Variants in ANKFN1 observed in about 807,000 individuals in gnomAD.
The protein encoded by ANKFN1 is ankyrin repeat and fibronectin type III domain containing 1.
A neutral mutation model predicts 108.7 loss-of-function variants in ANKFN1; 74 were observed. That is an observed-to-expected ratio of 0.68 (90% confidence interval 0.56 to 0.83). The LOEUF (loss-of-function observed/expected upper bound fraction) is 0.83. Among genes scored for constraint, ANKFN1 ranks in the 40% least tolerant of loss-of-function variants. The pLI is 0.00. For synonymous variants in ANKFN1, 547 were observed against 516.2 expected (o/e 1.06, Z -0.81); for missense variants, 1,505 against 1,382.3 (o/e 1.09, Z -1.41).
Position 56,368,343 on chromosome 17 carries a change from G to A in ANKFN1, c.602-4303G>A, listed in dbSNP as rs1187558447. ...CTCCCAGGCTGGAGTGCAGTGGTGC[G>A]ATCTTGGCTCACTGCAACCTCCGCC... On this transcript the variant is annotated intron_variant, in intron 6 of 20. Coordinates refer to ENST00000682825, the MANE Select transcript of ANKFN1 (RefSeq NM_001370326.1). The A allele has an allele frequency of 1.1e-4, 31 of 275,086 alleles. 1 individual carries two copies. In the South Asian group the frequency reaches 1.2e-3, roughly 11 times the overall value. The allele number at this position is 275,086 out of a possible 1,614,324, so 17.0% of individuals were successfully genotyped here. A position where few individuals can be genotyped will look rare whatever the true frequency, so the allele number is the denominator to read the frequency against.
At chr17:56,062,559 C>CTTTTTTTTTTTTTTTTTTTTTTTTTTTTT (rs3085080) in intron 4 of ANKFN1, among the ~76,000 whole-genome samples, 5 of 134,510 alleles carry the variant, frequency 3.7e-5, no homozygotes, top group African/African-American at 1.2e-4. Flanking sequence ...GTAATCTCTG[C>CTTTTTTTTTTTTTTTTTTTTTTTTTTTTT]TTTTTTTTTT....
chr17:56,171,167 C>T (rs923868750), intron 1 of ANKFN1, among the ~76,000 whole-genome samples: 1 of 151,948 alleles, frequency 6.6e-6, no homozygotes, highest in African/African-American at 2.4e-5. Context: ...TCACTAGGAA[C>T]CCTCCATTTG....
At chr17:56,422,173 A>G (rs184777428) in intron 8 of ANKFN1, among the ~76,000 whole-genome samples, 206 of 152,328 alleles carry the variant, frequency 1.4e-3, no homozygotes, top group African/African-American at 4.4e-3. Context: ...TATGCATTTT[A>G]AAAGTGAGTT....
chr17:56,296,875 T>C (rs776253240), intron 3 of ANKFN1, among the ~76,000 whole-genome samples: 5 of 152,182 alleles, frequency 3.3e-5, no homozygotes, highest in Admixed American at 1.3e-4. Flanking sequence ...CATATGAGGA[T>C]TAAATTAGAT....
chr17:56,478,736 A>G (rs73313467), intron 16 of ANKFN1, among the ~76,000 whole-genome samples: 17,899 of 151,854 alleles, frequency 0.12, 1,581 homozygotes, highest in African/African-American at 0.25. Context: ...AAAAAAAAAG[A>G]AAGAAATTAT....
intron 4 of ANKFN1, among the ~76,000 whole-genome samples, chr17:56,089,691 G>T (rs1187677826): frequency 6.6e-6 from 1 of 151,352 alleles, no homozygotes; most frequent in East Asian, 1.9e-4. Flanking sequence ...AAGACAGGAA[G>T]AAGAACCATC....
rs2051819637 is a variant in ANKFN1 at position 56,513,044 on chromosome 17, C to CT, written c.*1776dup. ...AACTAGACGGGCCCATAAAATTTAT[C>CT]TAAGTCCGTGGGTTTGCAGGTAGGG... is the stretch of plus-strand genomic sequence containing the variant. On this transcript the variant is annotated 3_prime_UTR_variant, in exon 21 of 21. Coordinates refer to ENST00000682825, the MANE Select transcript of ANKFN1 (RefSeq NM_001370326.1). Among the ~76,000 whole-genome samples, 1 of 152,206 alleles carries CT rather than the reference C, an allele frequency of 6.6e-6. No homozygotes were observed. Among genetic ancestry groups the CT allele is most frequent in the Admixed American group, 6.5e-5 (1 of 15,282 alleles).
At chr17:56,304,940 A>G (rs369857981) in intron 3 of ANKFN1, among the ~76,000 whole-genome samples, 10 of 152,160 alleles carry the variant, frequency 6.6e-5, no homozygotes, top group African/African-American at 2.4e-4. Flanking sequence ...TATTCTAGAT[A>G]CTTGTTCTTT....
rs77092178 is a variant in ANKFN1, at chr17:56,270,799, C to A, written c.53+42842C>A. Among the ~76,000 whole-genome samples the A allele has an allele frequency of 1.4e-3, 212 of 152,208 alleles. 2 individuals carry two copies. Among genetic ancestry groups the A allele is most frequent in the African/African-American group, 5.0e-3 (207 of 41,528 alleles). On this transcript the variant is annotated intron_variant, in intron 3 of 20. Transcript: ENST00000682825. ...CAGTTTCAGGGTCTTTTTGTTGTTT[C>A]CTCAGCCTGTAATGTTCTTTTTCCT...
chr17:56,124,479 G>T (rs1436297521), intron 4 of ANKFN1, among the ~76,000 whole-genome samples: 1 of 152,138 alleles, frequency 6.6e-6, no homozygotes, highest in Non-Finnish European at 1.5e-5. Flanking sequence ...CACAGGACAG[G>T]CCCCAGTGTC....
At position 56,468,863 on chromosome 17, in the gene ANKFN1, C is replaced by T. The variant is rs535623177; in HGVS notation, c.1773+2292C>T. Among the ~76,000 whole-genome samples the T allele has an allele frequency of 2.0e-5, 3 of 152,264 alleles. No homozygotes were observed. In the East Asian group the frequency reaches 5.8e-4, roughly 29 times the overall value. Reference sequence around the variant, plus strand: ...GAGGTGGGGGCAGGGAACACAGACACATTTGAGGCTCCCCTCTTCACCTTT... The same window carrying T: ...GAGGTGGGGGCAGGGAACACAGACATATTTGAGGCTCCCCTCTTCACCTTT... On this transcript the variant is annotated intron_variant, in intron 15 of 20. Coordinates refer to ENST00000682825, the MANE Select transcript of ANKFN1 (RefSeq NM_001370326.1).
chr17:56,339,642 C>T (rs570689958), intron 4 of ANKFN1, among the ~76,000 whole-genome samples: 1 of 152,116 alleles, frequency 6.6e-6, no homozygotes, highest in South Asian at 2.1e-4. Context: ...TAATCTTGTT[C>T]TTTTTATAGC....
At chr17:56,057,636 A>G (rs906202574) in intron 4 of ANKFN1, among the ~76,000 whole-genome samples, 7 of 152,148 alleles carry the variant, frequency 4.6e-5, no homozygotes, top group Admixed American at 4.6e-4. Flanking sequence ...AAGTACAAAA[A>G]TTAGCCGGGT....
rs187633003 is a variant in ANKFN1 at position 56,223,235 on chromosome 17, A to G, written c.13-4682A>G. Among the ~76,000 whole-genome samples the G allele has an allele frequency of 5.1e-3, 781 of 152,364 alleles. 9 individuals carry two copies. The highest frequency in any genetic ancestry group is 7.5e-3 in the Non-Finnish European group (513 of 68,036). ...AGAAGGATAACCTCACATGCTGTTG[A>G]TAGAATTACTTCTGGAAAACGGGGG... On this transcript the variant is annotated intron_variant, in intron 2 of 20. Coordinates refer to ENST00000682825, the MANE Select transcript of ANKFN1 (RefSeq NM_001370326.1).
chr17:56,224,211 C>T (rs916820125), intron 2 of ANKFN1, among the ~76,000 whole-genome samples: 6 of 152,228 alleles, frequency 3.9e-5, no homozygotes, highest in African/African-American at 1.4e-4. Flanking sequence ...TGTCTGATCA[C>T]TGGCATATTC....
At chr17:56,342,742 T>C (rs1275823201) in intron 4 of ANKFN1, among the ~76,000 whole-genome samples, 1 of 152,072 alleles carries the variant, frequency 6.6e-6, no homozygotes, top group Non-Finnish European at 1.5e-5. Flanking sequence ...GTAAGTACCA[T>C]GTGGTGATTA....
chr17:56,413,822 C>T (rs139562313), intron 8 of ANKFN1, among the ~76,000 whole-genome samples: 2 of 151,934 alleles, frequency 1.3e-5, no homozygotes, highest in South Asian at 2.1e-4. Context: ...CGGGTTCAAG[C>T]GATTCTCCTT....
At chr17:56,123,276 C>A (rs887893385) in intron 4 of ANKFN1, among the ~76,000 whole-genome samples, 1 of 152,216 alleles carries the variant, frequency 6.6e-6, no homozygotes, top group African/African-American at 2.4e-5. Flanking sequence ...GTGGCTGCAT[C>A]TTCCATCAGC....
intron 1 of ANKFN1, among the ~76,000 whole-genome samples, chr17:56,212,298 A>G (rs996400675): frequency 4.6e-5 from 7 of 152,086 alleles, no homozygotes; most frequent in African/African-American, 1.2e-4. Context: ...TGAGATCACC[A>G]TGTACTTTTT....
Sources: allele counts gnomAD v4.1 joint callset (sites outside exome capture counted in the v4.1 genomes callset), GRCh38; gene constraint gnomAD v4.1.1; transcripts MANE v1.5; gene names NCBI Gene and HGNC (gene_info 2026-07-23, HGNC 2026-07-21).